NDUFA10: variants seen among roughly 807,000 people sequenced by gnomAD.
NDUFA10 encodes NADH dehydrogenase [ubiquinone] 1 alpha subcomplex subunit 10, mitochondrial.
A neutral mutation model predicts 47.8 loss-of-function variants in NDUFA10; 40 were observed. That is an observed-to-expected ratio of 0.84 (90% CI 0.65 to 1.09). The LOEUF (loss-of-function observed/expected upper bound fraction) is 1.09, where lower values mean the gene tolerates loss of function less well. Ranked by LOEUF, NDUFA10 falls within the 50% of genes least tolerant of loss-of-function variation. The pLI, the probability that NDUFA10 is intolerant of heterozygous loss-of-function variation, is 0.00. For missense variants in NDUFA10, 413 were observed against 451.1 expected (o/e 0.92, Z 0.76); for synonymous variants, 183 against 172.2 (o/e 1.06, Z -0.49).
intron 4 of NDUFA10, among the ~76,000 whole-genome samples, chr2:240,018,057 C>T: frequency 6.6e-6 from 1 of 152,176 alleles, no homozygotes; most frequent in Admixed American, 6.5e-5. Flanking sequence ...TTCCATTTGC[C>T]ACTTGTCAGA....
rs1447065479 is a variant in NDUFA10, at chr2:239,959,739, GAGA to G, written c.*1376_*1378del. Reference sequence around the variant, plus strand: ...AACAAGGACAGACGGAAGGAAGGAAGAGAAGGAGGGAAGGAAAGAGGCAGGGAG... The same window carrying G: ...AACAAGGACAGACGGAAGGAAGGAAGAGGAGGGAAGGAAAGAGGCAGGGAG... On this transcript the variant is annotated 3_prime_UTR_variant, in exon 10 of 10. Coordinates refer to ENST00000252711, the MANE Select transcript of NDUFA10 (RefSeq NM_004544.4). 10 of 711,370 alleles carry G rather than the reference GAGA, an allele frequency of 1.4e-5. No individual in the cohort carries two copies. Among genetic ancestry groups the G allele is most frequent in the East Asian group, 1.4e-4 (1 of 7,276 alleles). 44.1% of individuals were successfully genotyped at this position (711,370 alleles called of 1,614,324 possible). A position where few individuals can be genotyped will look rare whatever the true frequency, so the allele number is the denominator to read the frequency against.
rs201798886 is a variant in NDUFA10 at position 240,005,255 on chromosome 2, G to C, written c.845C>G (p.Pro282Arg). ...AGTGCGATTGTCCTGCTTGAGCCAC[G>C]GCCCTTTATCGAACTTCAGGTATTC... ...DIEYLKFDKG[P>R]WLKQDNRTLY... Residue 282 changes from proline to arginine, a missense_variant, in exon 8 of 10, where the codon CCG becomes CGG. By Grantham distance (103) the Pro-to-Arg change is moderately radical. Transcript: ENST00000252711. 2.5e-6 allele frequency: 4 copies of C among 1,614,026 alleles called. No individual in the cohort carries two copies. In the East Asian group the frequency reaches 6.7e-5, roughly 27 times the overall value.
intron 9 of NDUFA10, among the ~76,000 whole-genome samples, chr2:239,984,012 C>T (rs1193276466): frequency 6.6e-6 from 1 of 152,116 alleles, no homozygotes; most frequent in African/African-American, 2.4e-5. Flanking sequence ...GTGGCCAGAT[C>T]ACTTGAGGTC....
At chr2:239,983,597 A>G in intron 9 of NDUFA10, 1 of 1,593,596 alleles carries the variant, frequency 6.3e-7, no homozygotes, top group Non-Finnish European at 8.5e-7. Context: ...AGACCCAGCA[A>G]GCACGACCTC....
At chr2:239,951,629 C>T (rs1430189894) in intron 4 of NDUFA10, among the ~76,000 whole-genome samples, 4 of 152,282 alleles carry the variant, frequency 2.6e-5, no homozygotes, top group Admixed American at 6.5e-5. Context: ...TGGTCACAGC[C>T]GGGCGTGGAG....
rs1405111784 is a variant in NDUFA10, at chr2:239,969,873, C to A, written c.1000-8687G>T. 5 of 428,424 alleles carry A rather than the reference C, an allele frequency of 1.2e-5. No individual in the cohort carries two copies. The East Asian group carries it at 3.0e-4, about 26-fold the overall frequency. 26.5% of individuals were successfully genotyped at this position (428,424 alleles called of 1,614,324 possible). On this transcript the variant is annotated intron_variant, in intron 9 of 9. Transcript: ENST00000252711. ...AAATTAGGCACAGAAAGAAAAAGGCCAAAAACAAATGGACAGAGTCACAGG... is the reference window on the plus strand; with the variant it reads ...AAATTAGGCACAGAAAGAAAAAGGCAAAAAACAAATGGACAGAGTCACAGG...
chr2:239,927,187 G>A (rs946139239), intron 4 of NDUFA10, among the ~76,000 whole-genome samples: 1 of 152,104 alleles, frequency 6.6e-6, no homozygotes, highest in African/African-American at 2.4e-5. Flanking sequence ...GTGCATTTGT[G>A]CCTTAGTATT....
At position 239,928,847 on chromosome 2, in the gene NDUFA10, C is replaced by G. The variant is rs965703541; in HGVS notation, c.295-33533G>C. Among the ~76,000 whole-genome samples, 1 of 152,202 alleles carries G rather than the reference C, an allele frequency of 6.6e-6. No homozygotes were observed. The highest frequency in any genetic ancestry group is 6.5e-5 in the Admixed American group (1 of 15,284). The stretch of plus-strand genomic sequence containing the variant: ...AGCCTGTGTGGTTGCTCCTTCACCC[C>G]ACTCCTCCCATCAGCGGATCCTCCG... On this transcript the variant is annotated intron_variant, in intron 4 of 5. Coordinates refer to the NDUFA10 transcript ENST00000419408. This position sits in a 1 kb window ranked among gnomAD's most constrained non-coding sequence, Gnocchi z 4.3.
At chr2:239,915,805 G>C (rs1350468853) in intron 4 of NDUFA10, among the ~76,000 whole-genome samples, 7 of 146,880 alleles carry the variant, frequency 4.8e-5, no homozygotes, top group Non-Finnish European at 1.0e-4. Context: ...AATACAGACA[G>C]AGAGACACAC....
intron 8 of NDUFA10, among the ~76,000 whole-genome samples, chr2:239,995,403 G>A (rs772020925): frequency 6.6e-6 from 1 of 152,136 alleles, no homozygotes; most frequent in Non-Finnish European, 1.5e-5. Context: ...GACCTAGATG[G>A]GTTGTAAATG....
intron 9 of NDUFA10, among the ~76,000 whole-genome samples, chr2:239,979,675 C>T (rs2106425430): frequency 6.6e-6 from 1 of 152,228 alleles, no homozygotes; most frequent in African/African-American, 2.4e-5. Context: ...CCCTGACCGC[C>T]TTGGCCCTCT....
intron 4 of NDUFA10, among the ~76,000 whole-genome samples, chr2:239,909,313 A>AT (rs1169127568): frequency 1.3e-5 from 2 of 152,278 alleles, no homozygotes; most frequent in East Asian, 3.9e-4. Context: ...ACCAAAAACT[A>AT]TTTTTAAAAA....
At chr2:239,899,384 G>A (rs1190894205) in intron 4 of NDUFA10, among the ~76,000 whole-genome samples, 1 of 112,546 alleles carries the variant, frequency 8.9e-6, no homozygotes, top group African/African-American at 3.0e-5. Flanking sequence ...GGTGTGGAGG[G>A]GTGTGGTGGA....
At chr2:240,007,113 G>A (rs1322382909) in intron 7 of NDUFA10, among the ~76,000 whole-genome samples, 1 of 152,152 alleles carries the variant, frequency 6.6e-6, no homozygotes, top group South Asian at 2.1e-4. Flanking sequence ...TTTTCAGATC[G>A]TAGAAACCGA....
intron 7 of NDUFA10, among the ~76,000 whole-genome samples, chr2:240,005,500 G>A (rs1559383216): frequency 6.6e-6 from 1 of 151,908 alleles, no homozygotes; most frequent in African/African-American, 2.4e-5. Context: ...GGGACTACAG[G>A]CATATGCCAC....
chr2:239,925,593 G>T (rs1350136436), intron 4 of NDUFA10, among the ~76,000 whole-genome samples: 1 of 152,110 alleles, frequency 6.6e-6, no homozygotes, highest in Non-Finnish European at 1.5e-5. Context: ...CAACAGAGAA[G>T]GTCATCTTTG....
chr2:239,959,516 G>A lies in NDUFA10; in HGVS notation c.*1602C>T, dbSNP rs950473001. 6 of 985,344 alleles carry A rather than the reference G, an allele frequency of 6.1e-6. No homozygotes were observed. The African/African-American group carries it at 1.0e-4, about 17-fold the overall frequency. The allele number at this position is 985,344 out of a possible 1,614,324, so 61.0% of individuals were successfully genotyped here. ...ATGCCCAGCTGTGCTTTCATTTCAT[G>A]ATTAAAGCTGTTGGTTTCCTAGTGA... On this transcript the variant is annotated 3_prime_UTR_variant, in exon 10 of 10. Coordinates refer to ENST00000252711, the MANE Select transcript of NDUFA10 (RefSeq NM_004544.4).
chr2:239,956,204 G>A (rs987272636), downstream of NDUFA10, among the ~76,000 whole-genome samples: 3 of 152,086 alleles, frequency 2.0e-5, no homozygotes, highest in South Asian at 2.1e-4. Flanking sequence ...GGGCTCCAGC[G>A]CCTACACTTG....
At chr2:239,931,304 A>C (rs1011275265) in intron 4 of NDUFA10, among the ~76,000 whole-genome samples, 1 of 152,014 alleles carries the variant, frequency 6.6e-6, no homozygotes, top group Admixed American at 6.6e-5. Context: ...GCATGCAGGC[A>C]CCTCGCTCCA....
Sources: gnomAD v4.1 joint callset for allele counts (sites outside exome capture counted in the v4.1 genomes callset) on GRCh38, gnomAD v4.1.1 for gene constraint, Gnocchi (gnomAD v3.1) non-coding constraint, MANE v1.5 for transcripts, NCBI Gene and HGNC (gene_info 2026-07-23, HGNC 2026-07-21) for gene names.